Variants in WDPCP observed in about 807,000 individuals in gnomAD.
WDPCP encodes the protein WD repeat-containing and planar cell polarity effector protein fritz homolog.
In WDPCP, 71 loss-of-function variants were observed where a neutral mutation model predicts 93.1. The observed-to-expected ratio is 0.76, with a 90% CI of 0.63 to 0.93. WDPCP has a LOEUF of 0.93. WDPCP is among the 40% of genes least tolerant of loss of function. WDPCP has a pLI of 0.00. For synonymous variants in WDPCP, 315 were observed against 315.0 expected, an observed-to-expected ratio of 1.00 and a Z score of 0.00; for missense variants, 844 against 887.4, an observed-to-expected ratio of 0.95 and a Z score of 0.62.
rs532027382 is a variant in WDPCP at position 63,745,032 on chromosome 2, T to C, written n.308+68590A>G. Among the ~76,000 whole-genome samples, 6 of 152,302 alleles carry C rather than the reference T, an allele frequency of 3.9e-5. No individual in the cohort carries two copies. The South Asian group carries it at 6.2e-4, about 16-fold the overall frequency. On this transcript the variant is annotated intron_variant and non_coding_transcript_variant, in intron 2 of 4. Coordinates refer to the WDPCP transcript ENST00000467687. The stretch of plus-strand genomic sequence containing the variant: ...GTGCTTCTGCAGATCTTTTTAATCA[T>C]ATAAACAATATGTGAATTTATGTTT...
At chr2:63,626,429 AATCT>A (rs1185180961) in intron 3 of WDPCP, among the ~76,000 whole-genome samples, 1 of 152,234 alleles carries the variant, frequency 6.6e-6, no homozygotes, top group African/African-American at 2.4e-5. Context: ...AAATATTTGC[AATCT>A]ATCTATCTGA....
chr2:63,556,731 T>A (rs776759569), intron 1 of WDPCP, among the ~76,000 whole-genome samples: 2 of 151,732 alleles, frequency 1.3e-5, no homozygotes, highest in Non-Finnish European at 2.9e-5. Context: ...TTTTCCAAGG[T>A]CGAAATGAAG....
At chr2:63,778,208 T>A (rs924986889) in intron 2 of WDPCP, among the ~76,000 whole-genome samples, 1 of 121,418 alleles carries the variant, frequency 8.2e-6, no homozygotes, top group Admixed American at 7.5e-5. Context: ...CCACTTGTTT[T>A]TTGTTTTTTG....
intron 13 of WDPCP, among the ~76,000 whole-genome samples, chr2:63,261,908 A>G (rs1417987459): frequency 2.0e-5 from 3 of 152,208 alleles, no homozygotes; most frequent in Non-Finnish European, 1.5e-5. Flanking sequence ...AAGATTGGTA[A>G]TTAAAGCATT....
At chr2:63,556,925 A>AT (rs1706170870) in intron 1 of WDPCP, among the ~76,000 whole-genome samples, 1 of 152,222 alleles carries the variant, frequency 6.6e-6, no homozygotes, top group South Asian at 2.1e-4. Flanking sequence ...ACTAAGCTTC[A>AT]TAAGTGAAGG....
At chr2:63,673,174 T>C (rs190277147) in intron 2 of WDPCP, among the ~76,000 whole-genome samples, 26 of 152,286 alleles carry the variant, frequency 1.7e-4, no homozygotes, top group Non-Finnish European at 1.5e-5. Context: ...TGTACAAGTA[T>C]GCAGATGTGT....
At chr2:63,575,476 A>G (rs370149541) in intron 1 of WDPCP, among the ~76,000 whole-genome samples, 131 of 8,902 alleles carry the variant, frequency 0.015, 30 homozygotes, top group East Asian at 0.091. Context: ...TGCAGTATAT[A>G]CAGTGTATAT....
chr2:63,128,162 A>T (rs1238368232), intron 17 of WDPCP, among the ~76,000 whole-genome samples: 1 of 152,104 alleles, frequency 6.6e-6, no homozygotes, highest in Non-Finnish European at 1.5e-5. Context: ...AAATAAATAT[A>T]AGATTTCTTT....
intron 13 of WDPCP, 82 bp from the exon 14 acceptor site, chr2:63,259,491 T>A: frequency 9.3e-7 from 1 of 1,077,686 alleles, no homozygotes; most frequent in Non-Finnish European, 1.4e-6. Flanking sequence ...GGAAACTTAT[T>A]GTCCAGATTA....
Position 63,404,220 on chromosome 2 carries a change from T to C in WDPCP, c.1263A>G (p.Leu421=). The C allele has an allele frequency of 6.2e-7, 1 of 1,613,786 alleles. No homozygotes were observed. The highest frequency in any genetic ancestry group is 8.5e-7 in the Non-Finnish European group (1 of 1,179,782). ...TACTGAATTGCAGAGTCTCCCTGGG[T>C]AAGCGGTCTTCAGCCAACAGTTGGA... is the stretch of plus-strand genomic sequence containing the variant. ...INIQLLAEDR[L]PRETLQFSKL... is the part of the protein sequence containing the mutation. Residue 421 remains leucine (L), a synonymous_variant, in exon 10 of 18, where the codon TTA becomes TTG. Coordinates refer to ENST00000272321, the MANE Select transcript of WDPCP (RefSeq NM_015910.7).
At chr2:63,704,427 G>T (rs927656976) in intron 2 of WDPCP, among the ~76,000 whole-genome samples, 7 of 152,146 alleles carry the variant, frequency 4.6e-5, no homozygotes, top group Admixed American at 6.5e-5. Context: ...TATGATATTG[G>T]CTGTGGGTTT....
rs990902032 is a variant in WDPCP, at chr2:63,499,677, A to G, written c.76-6737T>C. Among the ~76,000 whole-genome samples the G allele has an allele frequency of 3.9e-5, 6 of 152,364 alleles. No homozygotes were observed. The South Asian group carries it at 1.2e-3, about 32-fold the overall frequency. On this transcript the variant is annotated intron_variant, in intron 1 of 17. Coordinates refer to ENST00000272321, the MANE Select transcript of WDPCP (RefSeq NM_015910.7). ...ATCTTGTAAAGAAAGAATCGACAGC[A>G]TATGGGCACTGATGATTTGTAAGAG... is the stretch of plus-strand genomic sequence containing the variant.
At chr2:63,220,179 A>G (rs983752808) in intron 14 of WDPCP, among the ~76,000 whole-genome samples, 6 of 152,180 alleles carry the variant, frequency 3.9e-5, no homozygotes, top group African/African-American at 1.2e-4. Context: ...AAAGTTGCAC[A>G]TGTATTTTAG....
At chr2:63,679,071 T>A (rs1314521174) in intron 2 of WDPCP, among the ~76,000 whole-genome samples, 2 of 152,248 alleles carry the variant, frequency 1.3e-5, no homozygotes, top group East Asian at 3.8e-4. Flanking sequence ...GTGCATTAAA[T>A]ACCTTTGCTT....
intron 1 of WDPCP, among the ~76,000 whole-genome samples, chr2:63,494,149 T>C (rs1226297095): frequency 1.3e-5 from 2 of 151,038 alleles, no homozygotes; most frequent in South Asian, 4.2e-4. Context: ...AATGGCAGAG[T>C]GAAAAATGTG....
intron 9 of WDPCP, among the ~76,000 whole-genome samples, chr2:63,414,252 T>G (rs1695235305): frequency 6.6e-6 from 1 of 152,170 alleles, no homozygotes; most frequent in Non-Finnish European, 1.5e-5. Context: ...GTACAGCCAC[T>G]ATGGAAAACA....
intron 6 of WDPCP, among the ~76,000 whole-genome samples, chr2:63,482,820 A>C (rs1443142724): frequency 6.6e-6 from 1 of 151,974 alleles, no homozygotes; most frequent in Non-Finnish European, 1.5e-5. Flanking sequence ...TAATCATAGA[A>C]ATGAAGCACA....
At chr2:63,307,214 A>T (rs1685810726) in intron 13 of WDPCP, among the ~76,000 whole-genome samples, 1 of 152,232 alleles carries the variant, frequency 6.6e-6, no homozygotes, top group South Asian at 2.1e-4. Flanking sequence ...GAGAACTACA[A>T]ACCACTGCTC....
intron 6 of WDPCP, among the ~76,000 whole-genome samples, chr2:63,472,080 C>T (rs1352026826): frequency 2.0e-5 from 3 of 151,986 alleles, no homozygotes; most frequent in Non-Finnish European, 4.4e-5. Flanking sequence ...TTTTGAAGGC[C>T]TCATTGTATT....
Sources: allele counts gnomAD v4.1 joint callset (sites outside exome capture counted in the v4.1 genomes callset), GRCh38; gene constraint gnomAD v4.1.1; transcripts MANE v1.5; gene names NCBI Gene and HGNC (gene_info 2026-07-23, HGNC 2026-07-21).